Variants in GALNT1 observed in about 807,000 individuals in gnomAD.
The protein encoded by GALNT1 is GalNAc transferase 1.
Under a neutral mutation model 65.7 loss-of-function variants are expected in GALNT1, and 17 were observed. That is an observed-to-expected ratio of 0.26 (90% confidence interval 0.18 to 0.39). The LOEUF (loss-of-function observed/expected upper bound fraction) is 0.39, where lower values mean the gene tolerates loss of function less well. GALNT1 is among the 10% of genes least tolerant of loss of function. GALNT1 has a pLI of 1.00. For synonymous variants in GALNT1, 210 were observed against 219.7 expected, an observed-to-expected ratio of 0.96 and a Z score of 0.39; for missense variants, 460 against 672.8, an observed-to-expected ratio of 0.68 and a Z score of 3.50.
At position 35,654,621 on chromosome 18, in the gene GALNT1, A is replaced by T. The variant is rs930619538; in HGVS notation, c.-42A>T. On this transcript the variant is annotated 5_prime_UTR_variant, in exon 2 of 12. Coordinates refer to ENST00000269195, the MANE Select transcript of GALNT1 (RefSeq NM_020474.4). ...TAATTTTCATGATCTTTGTATATTT[A>T]TATATATATATTTTTAAATTTTGCA... The T allele has an allele frequency of 5.0e-6, 5 of 1,004,370 alleles. No individual in the cohort carries two copies. The Admixed American group carries it at 1.7e-4, about 34-fold the overall frequency. 62.2% of individuals were successfully genotyped at this position (1,004,370 alleles called of 1,614,324 possible). A position where few individuals can be genotyped will look rare whatever the true frequency, so the allele number is the denominator to read the frequency against.
intron 1 of GALNT1, among the ~76,000 whole-genome samples, chr18:35,629,992 A>T (rs1417154093): frequency 6.6e-6 from 1 of 152,262 alleles, no homozygotes; most frequent in East Asian, 1.9e-4. Flanking sequence ...GGATCAATTC[A>T]ACAAGAAGAG....
At chr18:35,630,000 G>A (rs1043294999) in intron 1 of GALNT1, among the ~76,000 whole-genome samples, 1 of 152,054 alleles carries the variant, frequency 6.6e-6, no homozygotes, top group Non-Finnish European at 1.5e-5. Flanking sequence ...TCAACAAGAA[G>A]AGCTATCTTA....
chr18:35,684,427 G>C (rs1209056748), intron 5 of GALNT1, among the ~76,000 whole-genome samples: 2 of 152,154 alleles, frequency 1.3e-5, no homozygotes, highest in Admixed American at 6.5e-5. Flanking sequence ...CTTTAGAAAA[G>C]AGAACATTGC....
chr18:35,633,301 C>T (rs1023797912), intron 1 of GALNT1, among the ~76,000 whole-genome samples: 3 of 152,156 alleles, frequency 2.0e-5, no homozygotes, highest in Non-Finnish European at 4.4e-5. Context: ...ACCCACATGT[C>T]CAACAATGAT....
intron 1 of GALNT1, among the ~76,000 whole-genome samples, chr18:35,617,535 T>C (rs1323044326): frequency 6.6e-6 from 1 of 152,198 alleles, no homozygotes; most frequent in Non-Finnish European, 1.5e-5. Flanking sequence ...CTGTATCCAT[T>C]CTCCAGATTC....
chr18:35,655,832 A>G (rs1359644760), intron 2 of GALNT1, among the ~76,000 whole-genome samples: 2 of 152,184 alleles, frequency 1.3e-5, no homozygotes, highest in Non-Finnish European at 2.9e-5. Context: ...GGTTCTATTT[A>G]TATCTTCTTG....
At chr18:35,601,613 C>T (rs570192637) in intron 1 of GALNT1, among the ~76,000 whole-genome samples, 1 of 152,160 alleles carries the variant, frequency 6.6e-6, no homozygotes, top group South Asian at 2.1e-4. Context: ...TGTGTATCCT[C>T]ATTATTGATT....
chr18:35,663,006 T>C (rs1011681596), intron 2 of GALNT1, among the ~76,000 whole-genome samples: 6 of 152,322 alleles, frequency 3.9e-5, no homozygotes, highest in Middle Eastern at 3.4e-3. Flanking sequence ...ATAAGAACCC[T>C]GAATGAAATA....
At chr18:35,680,877 G>T (rs2047777730) in intron 4 of GALNT1, among the ~76,000 whole-genome samples, 1 of 152,036 alleles carries the variant, frequency 6.6e-6, no homozygotes, top group Non-Finnish European at 1.5e-5. Context: ...GTCAGAATTT[G>T]GACGAATCCC....
chr18:35,643,330 CT>C (rs1398329152), intron 1 of GALNT1, among the ~76,000 whole-genome samples: 2 of 152,046 alleles, frequency 1.3e-5, no homozygotes, highest in African/African-American at 4.8e-5. Context: ...ATATTATTAC[CT>C]GTTAAAAATA....
At chr18:35,703,465 CTAATT>C (rs765707460) in intron 10 of GALNT1, 39 bp from the exon 11 acceptor site, 1 of 1,577,932 alleles carries the variant, frequency 6.3e-7, no homozygotes, top group Non-Finnish European at 8.7e-7. Context: ...AAAATGCTGA[CTAATT>C]TATTTTTTCT....
chr18:35,694,858 T>C (rs569864177), intron 9 of GALNT1, among the ~76,000 whole-genome samples: 1 of 152,340 alleles, frequency 6.6e-6, no homozygotes, highest in East Asian at 1.9e-4. Context: ...GAAATTCTGA[T>C]ACATGCTACA....
intron 9 of GALNT1, among the ~76,000 whole-genome samples, chr18:35,699,025 A>G (rs2048111051): frequency 6.6e-6 from 1 of 152,048 alleles, no homozygotes; most frequent in Admixed American, 6.6e-5. Context: ...ACAGGAGGTT[A>G]CCCATCTGTC....
intron 1 of GALNT1, among the ~76,000 whole-genome samples, chr18:35,632,423 A>C (rs2047026842): frequency 6.6e-6 from 1 of 152,214 alleles, no homozygotes; most frequent in Admixed American, 6.5e-5. Flanking sequence ...GATCTTTGAC[A>C]AACCTGACAA....
intron 1 of GALNT1, among the ~76,000 whole-genome samples, chr18:35,627,138 G>A (rs1170144469): frequency 6.6e-6 from 1 of 152,234 alleles, no homozygotes; most frequent in Non-Finnish European, 1.5e-5. Context: ...CACCTGGAAA[G>A]TTAAGATCCT....
chr18:35,645,456 A>G (rs1228842724), intron 1 of GALNT1, among the ~76,000 whole-genome samples: 1 of 151,984 alleles, frequency 6.6e-6, no homozygotes, highest in African/African-American at 2.4e-5. Flanking sequence ...GATGGTCTCG[A>G]TCTCCTGACC....
chr18:35,613,031 T>A (rs1005828928), intron 1 of GALNT1, among the ~76,000 whole-genome samples: 6 of 152,266 alleles, frequency 3.9e-5, no homozygotes, highest in Middle Eastern at 3.4e-3. Flanking sequence ...AGATCGCAGC[T>A]CCTCTCCACC....
intron 1 of GALNT1, among the ~76,000 whole-genome samples, chr18:35,613,676 C>G (rs1022056079): frequency 5.3e-5 from 8 of 152,144 alleles, no homozygotes; most frequent in Admixed American, 3.3e-4. Flanking sequence ...TCCCTGAAAG[C>G]TGTCAGTGGG....
At chr18:35,625,074 G>T (rs1207583951) in intron 1 of GALNT1, among the ~76,000 whole-genome samples, 1 of 152,176 alleles carries the variant, frequency 6.6e-6, no homozygotes, top group Admixed American at 6.6e-5. Flanking sequence ...AATAACATTG[G>T]GGGTGGAGAT....
Sources: gnomAD v4.1 joint callset for allele counts (sites outside exome capture counted in the v4.1 genomes callset) on GRCh38, gnomAD v4.1.1 for gene constraint, MANE v1.5 for transcripts, NCBI Gene and HGNC (gene_info 2026-07-23, HGNC 2026-07-21) for gene names.